Variants in FBN1 observed in about 807,000 individuals in gnomAD.
The protein encoded by FBN1 is fibrillin-1.
A neutral mutation model predicts 365.1 loss-of-function variants in FBN1; 29 were observed. The ratio of observed to expected loss-of-function variants is 0.08; its 90% confidence interval spans 0.06 to 0.11. FBN1 has a LOEUF of 0.11. Among genes scored for constraint, FBN1 ranks in the 10% least tolerant of loss-of-function variants. The pLI, the probability that FBN1 is intolerant of heterozygous loss-of-function variation, is 1.00. For synonymous variants in FBN1, 1,210 were observed against 1,270.5 expected, an observed-to-expected ratio of 0.95 and a Z score of 1.01; for missense variants, 2,476 against 3,703.2, an observed-to-expected ratio of 0.67 and a Z score of 8.60.
intron 7 of FBN1, among the ~76,000 whole-genome samples, chr15:48,536,750 G>A (rs2044016497): frequency 6.6e-6 from 1 of 152,216 alleles, no homozygotes; most frequent in Non-Finnish European, 1.5e-5. Context: ...CCACAAAACT[G>A]TGTGACTAAG....
At chr15:48,495,400 A>T in intron 21 of FBN1, 69 bp downstream of exon 21, 1 of 1,596,676 alleles carries the variant, frequency 6.3e-7, no homozygotes, top group Non-Finnish European at 8.6e-7. Context: ...ATTCTTTTGC[A>T]GGAAAAGCTG....
chr15:48,427,598 G>C lies in FBN1; in HGVS notation c.7173C>G (p.Pro2391=). The change falls in exon 58 of 66, where the codon CCC becomes CCG. Residue 2391 remains proline (P), a synonymous_variant. Coordinates refer to ENST00000316623, the MANE Select transcript of FBN1 (RefSeq NM_000138.5). ...CATTGGTCATGAATCCTCGGCCATGGGGACAGAGTTTCTTGAAAGCCACAG... is the reference window on the plus strand; with the variant it reads ...CATTGGTCATGAATCCTCGGCCATGCGGACAGAGTTTCTTGAAAGCCACAG... ...QGTVAFKKLC[P]HGRGFMTNGA... 6.2e-7 allele frequency: 1 copy of C among 1,614,142 alleles called. No homozygotes were observed.
chr15:48,412,175 A>G (rs145337696), intron 65 of FBN1, among the ~76,000 whole-genome samples: 1,849 of 152,294 alleles, frequency 0.012, 14 homozygotes, highest in Non-Finnish European at 0.02. Context: ...CACACTCCAC[A>G]TGGCTCTTTT....
At chr15:48,632,079 A>T (rs897727656) in intron 2 of FBN1, among the ~76,000 whole-genome samples, 1 of 152,258 alleles carries the variant, frequency 6.6e-6, no homozygotes, top group African/African-American at 2.4e-5. Flanking sequence ...TTTGTTTCCC[A>T]ATGAAGACAA....
At chr15:48,621,088 C>A (rs919843165) in intron 2 of FBN1, among the ~76,000 whole-genome samples, 1 of 152,140 alleles carries the variant, frequency 6.6e-6, no homozygotes, top group African/African-American at 2.4e-5. Flanking sequence ...AAATAAATAT[C>A]CATAAGTCCA....
chr15:48,582,819 G>A (rs2044406127), intron 6 of FBN1, among the ~76,000 whole-genome samples: 1 of 152,200 alleles, frequency 6.6e-6, no homozygotes, highest in Admixed American at 6.5e-5. Context: ...GGAGCACAAG[G>A]ATTAGAGGAA....
At chr15:48,490,585 G>A (rs2043550229) in intron 24 of FBN1, among the ~76,000 whole-genome samples, 1 of 152,194 alleles carries the variant, frequency 6.6e-6, no homozygotes, top group African/African-American at 2.4e-5. Context: ...TGAGATTAAA[G>A]AGAAAAATGC....
intron 39 of FBN1, 33 bp downstream of exon 39, chr15:48,465,757 G>T: frequency 6.2e-7 from 1 of 1,612,504 alleles, no homozygotes; most frequent in Non-Finnish European, 8.5e-7. Context: ...AATTCAAGTT[G>T]TGTGTGCTTT....
chr15:48,622,092 T>C (rs1889781032), intron 2 of FBN1, among the ~76,000 whole-genome samples: 1 of 152,118 alleles, frequency 6.6e-6, no homozygotes. Flanking sequence ...GTCCAGAGTA[T>C]ATGGCAACTC....
intron 57 of FBN1, 30 bp downstream of exon 57, chr15:48,428,316 T>C: frequency 2.5e-6 from 4 of 1,613,616 alleles, no homozygotes; most frequent in Non-Finnish European, 2.5e-6. Flanking sequence ...GAGGCTGAGG[T>C]TAGGAAAGTG....
chr15:48,492,122 G>C (rs16961013), intron 24 of FBN1, among the ~76,000 whole-genome samples: 4,584 of 152,280 alleles, frequency 0.03, 231 homozygotes, highest in African/African-American at 0.11. Context: ...ATGCTTAGAA[G>C]ACATGGGCTA....
chr15:48,456,504 C>T, intron 44 of FBN1, 133 bp downstream of exon 44: 3 of 931,864 alleles, frequency 3.2e-6, no homozygotes, highest in Non-Finnish European at 5.1e-6. Flanking sequence ...TGTTGTTCCA[C>T]ACCATGCCCT....
At chr15:48,508,385 A>G (rs773888748) in intron 15 of FBN1, among the ~76,000 whole-genome samples, 197 bp downstream of exon 15, 1 of 152,234 alleles carries the variant, frequency 6.6e-6, no homozygotes, top group Non-Finnish European at 1.5e-5. Flanking sequence ...CCTTTCTGAA[A>G]TAACAATAGT....
At position 48,435,724 on chromosome 15, in the gene FBN1, A is replaced by G. The variant is rs11857343; in HGVS notation, c.6497-1011T>C. 7.0e-5 allele frequency among the ~76,000 whole-genome samples: 10 copies of G among 143,524 alleles called. 1 individual carries two copies. The highest frequency in any genetic ancestry group is 7.4e-3 in the Middle Eastern group (2 of 270). The allele number at this position is 143,524 out of a possible 152,430, so 94.2% of individuals were successfully genotyped here. A position where few individuals can be genotyped will look rare whatever the true frequency, so the allele number is the denominator to read the frequency against. ...TGTGTATATATATGTGTGTATATAT[A>G]TGTGTATATATATGTGTGTATATAT... On this transcript the variant is annotated intron_variant, in intron 53 of 65. Transcript: ENST00000316623.
intron 4 of FBN1, among the ~76,000 whole-genome samples, chr15:48,601,656 C>T (rs939336289): frequency 1.3e-5 from 2 of 152,080 alleles, no homozygotes; most frequent in South Asian, 2.1e-4. Flanking sequence ...TCCTCAGCCA[C>T]GGTATTGAAA....
chr15:48,504,717 A>G (rs1259472878), intron 16 of FBN1, among the ~76,000 whole-genome samples: 1 of 152,224 alleles, frequency 6.6e-6, no homozygotes, highest in Non-Finnish European at 1.5e-5. Flanking sequence ...ATAATAGCAT[A>G]TGCACATCAA....
At chr15:48,605,622 C>A (rs952456873) in intron 4 of FBN1, among the ~76,000 whole-genome samples, 5 of 152,146 alleles carry the variant, frequency 3.3e-5, no homozygotes, top group African/African-American at 1.2e-4. Context: ...CCTGTAATCC[C>A]AACACTTTGG....
chr15:48,472,826 A>G (rs2043388903), intron 34 of FBN1, 150 bp from the exon 35 acceptor site: 4 of 1,009,246 alleles, frequency 4.0e-6, no homozygotes, highest in East Asian at 2.6e-5. Flanking sequence ...GTAGGCTAAC[A>G]CTGAATATGA....
At position 48,436,803 on chromosome 15, in the gene FBN1, T is replaced by C. The variant is rs56270063; in HGVS notation, c.6496+158A>G. Among the ~76,000 whole-genome samples, 1,817 of 152,298 alleles carry C rather than the reference T, an allele frequency of 0.012. 13 individuals carry two copies. The highest frequency in any genetic ancestry group is 0.019 in the Non-Finnish European group (1,310 of 68,006). On this transcript the variant is annotated intron_variant, in intron 53 of 65. Coordinates refer to ENST00000316623, the MANE Select transcript of FBN1 (RefSeq NM_000138.5). ...GCCTAGCACAGTGCCTGGGACCTGATGGTGACTCACTAGTATTCTAAATGA... is the reference window on the plus strand; with the variant it reads ...GCCTAGCACAGTGCCTGGGACCTGACGGTGACTCACTAGTATTCTAAATGA...
Sources: gnomAD v4.1 joint callset for allele counts (sites outside exome capture counted in the v4.1 genomes callset) on GRCh38, gnomAD v4.1.1 for gene constraint, MANE v1.5 for transcripts, NCBI Gene and HGNC (gene_info 2026-07-23, HGNC 2026-07-21) for gene names.